Variants in FYB1 observed in about 807,000 individuals in gnomAD.
The protein encoded by FYB1 is FYN-binding protein 1.
FYB1 carries 41 observed loss-of-function variants against 94.1 expected under a neutral mutation model. The observed-to-expected ratio is 0.44, with a 90% CI of 0.34 to 0.57. The LOEUF (loss-of-function observed/expected upper bound fraction) is 0.57. FYB1 is among the 20% of genes least tolerant of loss of function. The pLI is 0.02. For synonymous variants in FYB1, 367 were observed against 353.2 expected (o/e 1.04, Z -0.44); for missense variants, 1,050 against 976.8 (o/e 1.07, Z -1.00).
At chr5:39,129,679 A>C (rs927212177) in intron 10 of FYB1, among the ~76,000 whole-genome samples, 7 of 152,136 alleles carry the variant, frequency 4.6e-5, no homozygotes, top group African/African-American at 1.7e-4. Flanking sequence ...AGAAGAAGAC[A>C]TACAAATGGC....
intron 1 of FYB1, among the ~76,000 whole-genome samples, chr5:39,215,270 C>G (rs1749758468): frequency 6.6e-6 from 1 of 151,948 alleles, no homozygotes; most frequent in South Asian, 2.1e-4. Flanking sequence ...TTAAATGTAA[C>G]AGTGGATCAA....
chr5:39,121,693 C>A (rs905182442), intron 14 of FYB1, among the ~76,000 whole-genome samples: 4 of 151,696 alleles, frequency 2.6e-5, no homozygotes, highest in Non-Finnish European at 5.9e-5. Flanking sequence ...TTCTCTATTT[C>A]AAAAAAAATT....
intron 1 of FYB1, among the ~76,000 whole-genome samples, chr5:39,211,308 T>G (rs1194223073): frequency 8.0e-6 from 1 of 125,156 alleles, no homozygotes; most frequent in African/African-American, 3.1e-5. Flanking sequence ...TACTATTTCT[T>G]TTTCTTTTCT....
intron 2 of FYB1, among the ~76,000 whole-genome samples, chr5:39,186,951 C>G (rs924972759): frequency 2.0e-5 from 3 of 152,068 alleles, no homozygotes; most frequent in African/African-American, 7.2e-5. Flanking sequence ...TGGGGTCCTA[C>G]AGTAATTGGT....
intron 1 of FYB1, among the ~76,000 whole-genome samples, chr5:39,263,153 G>C (rs1023541872): frequency 2.8e-4 from 42 of 151,392 alleles, no homozygotes; most frequent in Admixed American, 1.8e-3. Flanking sequence ...TGGAGTGCTA[G>C]AATTGGGGAA....
chr5:39,202,827 G>A lies in FYB1; in HGVS notation c.134C>T (p.Ala45Val), dbSNP rs1404441239. 8.7e-6 allele frequency: 14 copies of A among 1,613,950 alleles called. No individual in the cohort carries two copies. The highest frequency in any genetic ancestry group is 1.0e-5 in the Non-Finnish European group (12 of 1,179,888). ...ATTGCTGGGTCCTGCAGGAGGGCTGGCATTTCCTTGGTTGTTGAATAAGTT... is the reference window on the plus strand; with the variant it reads ...ATTGCTGGGTCCTGCAGGAGGGCTGACATTTCCTTGGTTGTTGAATAAGTT... ...RKNLFNNQGN[A>V]SPPAGPSNVP... is the part of the protein sequence containing the mutation. Residue 45 changes from alanine (A) to valine (V), a missense_variant, in exon 2 of 19, where the codon GCC (alanine) becomes GTC (valine). Ala to Val is a moderately conservative substitution (Grantham distance 64). Transcript: ENST00000512982.
At position 39,237,704 on chromosome 5, in the gene FYB1, G is replaced by T. The variant is rs75858076; in HGVS notation, c.-27-34717C>A. On this transcript the variant is annotated intron_variant, in intron 1 of 1. Transcript: ENST00000510188. ...TGGCATAGGTGGGAAAAGAAACCCA[G>T]TGGGAGAAATTTGTTTTGAATATTT... is the stretch of plus-strand genomic sequence containing the variant. Among the ~76,000 whole-genome samples, 1,167 of 152,214 alleles carry T rather than the reference G, an allele frequency of 7.7e-3. 24 individuals are homozygous for T. The highest frequency in any genetic ancestry group is 0.027 in the African/African-American group (1,107 of 41,548).
chr5:39,123,668 T>G (rs6898140), intron 13 of FYB1, among the ~76,000 whole-genome samples: 49,880 of 151,922 alleles, frequency 0.33, 8,430 homozygotes, highest in African/African-American at 0.41. Context: ...TACTTATAAG[T>G]TAAAATAAAT....
At chr5:39,118,851 T>C (rs374252185) in intron 16 of FYB1, 23 bp downstream of exon 16, 2 of 1,400,660 alleles carry the variant, frequency 1.4e-6, no homozygotes, top group African/African-American at 1.5e-5. Context: ...TATGCACATA[T>C]TATAGTATAA....
intron 7 of FYB1, among the ~76,000 whole-genome samples, chr5:39,137,132 A>C (rs1238066297): frequency 6.6e-6 from 1 of 152,168 alleles, no homozygotes; most frequent in African/African-American, 2.4e-5. Flanking sequence ...AGGCAACAAT[A>C]TAACTCATGT....
chr5:39,214,437 A>G (rs1749681902), intron 1 of FYB1, among the ~76,000 whole-genome samples: 1 of 152,268 alleles, frequency 6.6e-6, no homozygotes, highest in Non-Finnish European at 1.5e-5. Flanking sequence ...ATATGGGTAG[A>G]TCCCATGTTT....
chr5:39,118,052 C>T (rs181020945), intron 16 of FYB1, among the ~76,000 whole-genome samples: 218 of 152,064 alleles, frequency 1.4e-3, no homozygotes, highest in African/African-American at 4.8e-3. Flanking sequence ...AGGCGCACAC[C>T]GCTACATCTG....
chr5:39,198,936 T>G (rs6884903), intron 2 of FYB1, among the ~76,000 whole-genome samples: 169 of 152,148 alleles, frequency 1.1e-3, no homozygotes, highest in African/African-American at 3.8e-3. Context: ...GAGAAAGTAT[T>G]AAACTTGCAA....
chr5:39,246,254 A>G (rs1432561263), intron 1 of FYB1, among the ~76,000 whole-genome samples: 2 of 152,164 alleles, frequency 1.3e-5, no homozygotes, highest in African/African-American at 4.8e-5. Flanking sequence ...GAGTTGTTCT[A>G]TGACTTCATC....
intron 1 of FYB1, among the ~76,000 whole-genome samples, chr5:39,241,288 A>T (rs1471277125): frequency 6.6e-6 from 1 of 152,196 alleles, no homozygotes; most frequent in Admixed American, 6.5e-5. Context: ...CTATGTAACA[A>T]ACCTTCCCAT....
At chr5:39,170,065 C>G (rs1745106309) in intron 2 of FYB1, 2 of 826,974 alleles carry the variant, frequency 2.4e-6, no homozygotes, top group Non-Finnish European at 4.2e-6. Flanking sequence ...TGTCCTAGAT[C>G]TTACTTTCAC....
upstream of FYB1, among the ~76,000 whole-genome samples, chr5:39,224,316 G>A (rs1189161771): frequency 1.3e-5 from 2 of 152,098 alleles, no homozygotes; most frequent in East Asian, 3.9e-4. Flanking sequence ...AGTCCTGACG[G>A]TTTCCCTTAC....
chr5:39,134,861 C>A lies in FYB1; in HGVS notation c.1669G>T (p.Gly557Cys). Residue 557 changes from glycine to cysteine, a missense_variant, in exon 8 of 19, where the codon GGT becomes TGT. By Grantham distance (159) the Gly-to-Cys change is radical (BLOSUM62 -3). Transcript: ENST00000512982. ...EGKWLGRTARGSYGYIKTTAV... is the reference protein window; with the variant it reads ...EGKWLGRTARCSYGYIKTTAV... ...TAGAGAAATTTGCACTCACATGAAC[C>A]CCTTGCTGTTCTGCCCAACCATTTT... 2 of 1,613,766 alleles carry A rather than the reference C, an allele frequency of 1.2e-6. No homozygotes were observed. The highest frequency in any genetic ancestry group is 1.7e-6 in the Non-Finnish European group (2 of 1,179,830).
intron 2 of FYB1, among the ~76,000 whole-genome samples, chr5:39,200,699 C>T (rs190688378): frequency 2.0e-5 from 3 of 152,206 alleles, no homozygotes; most frequent in East Asian, 1.9e-4. Context: ...AAGCTGTTTA[C>T]GAACAAGGAG....
Sources: gnomAD v4.1 joint callset for allele counts (sites outside exome capture counted in the v4.1 genomes callset) on GRCh38, gnomAD v4.1.1 for gene constraint, MANE v1.5 for transcripts, NCBI Gene and HGNC (gene_info 2026-07-23, HGNC 2026-07-21) for gene names.